Variants in CACNA2D3 observed in about 807,000 individuals in gnomAD.
CACNA2D3 encodes calcium voltage-gated channel auxiliary subunit alpha2delta 3, also known as voltage-dependent calcium channel subunit alpha-2/delta-3.
Under a neutral mutation model 160.6 loss-of-function variants are expected in CACNA2D3, and 60 were observed. That is an observed-to-expected ratio of 0.37 (90% CI 0.30 to 0.46). The LOEUF (loss-of-function observed/expected upper bound fraction) is 0.46. CACNA2D3 is among the 20% of genes least tolerant of loss of function. The pLI, the probability that CACNA2D3 is intolerant of heterozygous loss-of-function variation, is 1.00. For missense variants in CACNA2D3, 1,205 were observed against 1,365.0 expected (o/e 0.88, Z 1.85); for synonymous variants, 558 against 492.9 (o/e 1.13, Z -1.75).
intron 13 of CACNA2D3, chr3:54,789,947 C>G (rs1702717885): frequency 4.3e-6 from 2 of 462,998 alleles, no homozygotes; most frequent in Non-Finnish European, 8.8e-6. Context: ...TGTGTTCTCC[C>G]AAAGAATTGC....
chr3:54,701,493 A>G (rs1460956325), intron 11 of CACNA2D3, among the ~76,000 whole-genome samples: 2 of 152,184 alleles, frequency 1.3e-5, no homozygotes, highest in Non-Finnish European at 2.9e-5. Flanking sequence ...TTTCCCTACA[A>G]AAGGTCATTT....
chr3:54,806,920 C>A (rs1449122395), intron 13 of CACNA2D3, among the ~76,000 whole-genome samples: 2 of 152,174 alleles, frequency 1.3e-5, no homozygotes, highest in African/African-American at 4.8e-5. Flanking sequence ...ACTGTCTGAT[C>A]TTTGACAAAC....
chr3:54,634,262 C>A (rs1699310459), intron 10 of CACNA2D3, among the ~76,000 whole-genome samples: 1 of 152,186 alleles, frequency 6.6e-6, no homozygotes, highest in Non-Finnish European at 1.5e-5. Flanking sequence ...TTGCACTTAA[C>A]GTTTGCCCTT....
chr3:54,846,736 A>G (rs1465955774), intron 17 of CACNA2D3, among the ~76,000 whole-genome samples: 1 of 152,220 alleles, frequency 6.6e-6, no homozygotes, highest in African/African-American at 2.4e-5. Flanking sequence ...ATCTGCCAAC[A>G]TATGGAAAAT....
At chr3:54,794,547 A>C (rs1702827916) in intron 13 of CACNA2D3, among the ~76,000 whole-genome samples, 1 of 151,254 alleles carries the variant, frequency 6.6e-6, no homozygotes, top group Non-Finnish European at 1.5e-5. Context: ...CAGTCTGAAG[A>C]ATTTCCTTTA....
chr3:54,730,155 A>C (rs983169084), intron 11 of CACNA2D3, among the ~76,000 whole-genome samples: 3 of 152,222 alleles, frequency 2.0e-5, no homozygotes, highest in Non-Finnish European at 4.4e-5. Context: ...CTAAAGGCAT[A>C]GACCTGCATC....
chr3:54,736,146 C>T (rs867773600), intron 11 of CACNA2D3, among the ~76,000 whole-genome samples: 90 of 118,012 alleles, frequency 7.6e-4, no homozygotes, highest in Middle Eastern at 4.0e-3. Flanking sequence ...TATATACACA[C>T]ACACACACAC....
intron 12 of CACNA2D3, among the ~76,000 whole-genome samples, chr3:54,763,087 C>CAAAAA: frequency 8.3e-6 from 1 of 120,654 alleles, no homozygotes. Flanking sequence ...GACTCCATCT[C>CAAAAA]AAAAAAAAAA....
intron 5 of CACNA2D3, among the ~76,000 whole-genome samples, chr3:54,515,819 T>C (rs1701541194): frequency 6.6e-6 from 1 of 152,100 alleles, no homozygotes; most frequent in African/African-American, 2.4e-5. Flanking sequence ...CTTCCAAGGG[T>C]CACACTGGAA....
At chr3:54,615,772 C>G (rs1339625599) in intron 9 of CACNA2D3, among the ~76,000 whole-genome samples, 2 of 152,304 alleles carry the variant, frequency 1.3e-5, no homozygotes, top group Admixed American at 1.3e-4. Flanking sequence ...GGCCACAGAT[C>G]AAATACCATA....
chr3:54,509,291 TTGTGTG>T (rs10586548), intron 5 of CACNA2D3, among the ~76,000 whole-genome samples: 20 of 150,690 alleles, frequency 1.3e-4, no homozygotes, highest in South Asian at 1.0e-3. Context: ...GTGTGTGTGT[TTGTGTG>T]TGTGTGTGTG....
chr3:54,862,232 T>A (rs939343292), intron 17 of CACNA2D3, among the ~76,000 whole-genome samples: 2 of 152,112 alleles, frequency 1.3e-5, no homozygotes, highest in Admixed American at 6.6e-5. Flanking sequence ...GCTGGAAGGA[T>A]CTGGGAAATT....
At chr3:54,195,754 G>A (rs549885484) in intron 2 of CACNA2D3, among the ~76,000 whole-genome samples, 1 of 152,154 alleles carries the variant, frequency 6.6e-6, no homozygotes, top group Non-Finnish European at 1.5e-5. Flanking sequence ...GACACCGTTG[G>A]TGTTTAATGT....
intron 13 of CACNA2D3, among the ~76,000 whole-genome samples, chr3:54,789,638 G>A (rs1291298802): frequency 1.3e-5 from 2 of 152,156 alleles, no homozygotes; most frequent in Admixed American, 1.3e-4. Flanking sequence ...TGTGAACCCA[G>A]GGTTATTTGG....
chr3:54,347,260 T>C (rs1021346059), intron 3 of CACNA2D3, among the ~76,000 whole-genome samples: 4 of 152,198 alleles, frequency 2.6e-5, no homozygotes, highest in Non-Finnish European at 5.9e-5. Flanking sequence ...CAGGCCATAG[T>C]TGGGAAAGCT....
intron 5 of CACNA2D3, among the ~76,000 whole-genome samples, chr3:54,536,289 ATTGGATTATAGG>A (rs2106652033): frequency 6.6e-6 from 1 of 152,334 alleles, no homozygotes; most frequent in East Asian, 1.9e-4. Context: ...GTCCTGGGTC[ATTGGATTATAGG>A]TTGCCCTTTT....
intron 4 of CACNA2D3, among the ~76,000 whole-genome samples, chr3:54,446,325 G>A (rs1043458358): frequency 2.0e-5 from 3 of 152,104 alleles, no homozygotes; most frequent in Non-Finnish European, 4.4e-5. Context: ...AATCCATAGA[G>A]CATAGAGAGG....
At chr3:54,844,535 A>G (rs1349586590) in intron 16 of CACNA2D3, among the ~76,000 whole-genome samples, 2 of 152,202 alleles carry the variant, frequency 1.3e-5, no homozygotes, top group East Asian at 3.9e-4. Context: ...TTGTTTCCCT[A>G]CTTCCACCTT....
rs542713718 is a variant in CACNA2D3, at chr3:54,163,748, G to T, written c.204+40154G>T. 5.3e-5 allele frequency among the ~76,000 whole-genome samples: 8 copies of T among 152,340 alleles called. No individual in the cohort carries two copies. In the South Asian group the frequency reaches 1.7e-3, roughly 32 times the overall value. On this transcript the variant is annotated intron_variant, in intron 2 of 37. Coordinates refer to ENST00000474759, the MANE Select transcript of CACNA2D3 (RefSeq NM_018398.3). ...ACAAATGTCACACTGCAGCTGCAAG[G>T]ACAGTGAGGAGGGAGATGGCCATGG... is the stretch of plus-strand genomic sequence containing the variant.
Sources: allele counts gnomAD v4.1 joint callset (sites outside exome capture counted in the v4.1 genomes callset), GRCh38; gene constraint gnomAD v4.1.1; transcripts MANE v1.5; gene names NCBI Gene and HGNC (gene_info 2026-07-23, HGNC 2026-07-21).